Variants in MYO18A observed in about 807,000 individuals in gnomAD.
MYO18A encodes the protein myosin XVIIIA.
Under a neutral mutation model 235.8 loss-of-function variants are expected in MYO18A, and 78 were observed. That is an observed-to-expected ratio of 0.33 (90% CI 0.28 to 0.40). MYO18A has a LOEUF of 0.40. Ranked by LOEUF, MYO18A falls within the 10% of genes least tolerant of loss-of-function variation. The pLI, the probability that MYO18A is intolerant of heterozygous loss-of-function variation, is 1.00. For missense variants in MYO18A, 2,215 were observed against 2,699.3 expected (o/e 0.82, Z 3.98); for synonymous variants, 977 against 1,077.8 (o/e 0.91, Z 1.83).
rs1169375129 is a variant in MYO18A, at chr17:29,072,686, C to A, written c.*2084G>T. The A allele has an allele frequency of 6.6e-6, 1 of 152,226 alleles. No homozygotes were observed. Among genetic ancestry groups the A allele is most frequent in the African/African-American group, 2.4e-5 (1 of 41,452 alleles). The allele number at this position is 152,226 out of a possible 1,614,324, so 9.4% of individuals were successfully genotyped here. ...TTTCTCCCTTCTTCCCTTTTGGACT[C>A]TTTCTGGATGGCTGACATTATCAGA... On this transcript the variant is annotated 3_prime_UTR_variant, in exon 42 of 42. Transcript: ENST00000527372.
chr17:29,098,315 T>C, intron 24 of MYO18A, 41 bp downstream of exon 24: 2 of 1,612,690 alleles, frequency 1.2e-6, no homozygotes, highest in Non-Finnish European at 1.7e-6. Flanking sequence ...TGGGTCTCCC[T>C]GCAGCCATGC....
At chr17:29,133,656 C>G (rs2067527134) in intron 2 of MYO18A, 3 of 519,004 alleles carry the variant, frequency 5.8e-6, no homozygotes, top group South Asian at 5.3e-5. Flanking sequence ...CCGTCATTCT[C>G]CCTGCCACCC....
chr17:29,153,528 G>C (rs2068000423), intron 2 of MYO18A, among the ~76,000 whole-genome samples: 1 of 152,232 alleles, frequency 6.6e-6, no homozygotes, highest in Non-Finnish European at 1.5e-5. Context: ...CACTCAGCCA[G>C]TAGGCAGCAT....
chr17:29,165,826 A>T, intron 2 of MYO18A, 116 bp downstream of exon 2: 1 of 986,584 alleles, frequency 1.0e-6, no homozygotes, highest in Non-Finnish European at 1.5e-6. Flanking sequence ...GGGCTTCCCC[A>T]CTTACACACT....
intron 41 of MYO18A, chr17:29,076,705 T>C (rs982419849): frequency 2.0e-5 from 3 of 152,200 alleles, no homozygotes; most frequent in Admixed American, 1.3e-4. Context: ...AAATTGGGGT[T>C]ATTTTAGCTT....
rs546032006 is a variant in MYO18A at position 29,073,751 on chromosome 17, G to C, written c.*1019C>G. On this transcript the variant is annotated 3_prime_UTR_variant, in exon 42 of 42. Coordinates refer to ENST00000527372, the MANE Select transcript of MYO18A (RefSeq NM_078471.4). The stretch of plus-strand genomic sequence containing the variant: ...TCTGGGATAAGTGTGTGGGGGCAGG[G>C]AGGTTGGAAGAATGACACGGGCTCA... The C allele has an allele frequency of 1.1e-3, 1,257 of 1,188,332 alleles. 1 individual carries two copies. The highest frequency in any genetic ancestry group is 9.8e-4 in the Non-Finnish European group (821 of 834,140). 73.6% of individuals were successfully genotyped at this position (1,188,332 alleles called of 1,614,324 possible).
chr17:29,124,776 T>C lies in MYO18A; in HGVS notation c.1000-2523A>G, dbSNP rs1362975637. 3 of 1,112,228 alleles carry C rather than the reference T, an allele frequency of 2.7e-6. No individual in the cohort carries two copies. In the East Asian group the frequency reaches 2.0e-4, roughly 72 times the overall value. The allele number at this position is 1,112,228 out of a possible 1,614,324, so 68.9% of individuals were successfully genotyped here. A position where few individuals can be genotyped will look rare whatever the true frequency, so the allele number is the denominator to read the frequency against. On this transcript the variant is annotated intron_variant, in intron 2 of 41. Coordinates refer to ENST00000527372, the MANE Select transcript of MYO18A (RefSeq NM_078471.4). ...GCCCCCTTCAGCAAGTGCTCCTGAG[T>C]CAAGTGGGCCGGCACTCTCTAGTTG...
intron 20 of MYO18A, among the ~76,000 whole-genome samples, chr17:29,104,327 C>T (rs1268112470): frequency 6.6e-6 from 1 of 152,138 alleles, no homozygotes; most frequent in African/African-American, 2.4e-5. Flanking sequence ...GAACACGCAG[C>T]AGGTGTTAAG....
chr17:29,133,405 G>C (rs749112285), intron 2 of MYO18A, among the ~76,000 whole-genome samples: 3 of 152,158 alleles, frequency 2.0e-5, no homozygotes, highest in Non-Finnish European at 2.9e-5. Context: ...TTGGCCCCTT[G>C]TCCTCCTAAC....
chr17:29,131,655 G>A (rs1331483789), intron 2 of MYO18A, among the ~76,000 whole-genome samples: 2 of 152,196 alleles, frequency 1.3e-5, no homozygotes, highest in Non-Finnish European at 2.9e-5. Flanking sequence ...AGTCTGTGGG[G>A]GAAAAAGCCA....
chr17:29,110,716 T>G, intron 17 of MYO18A, 94 bp from the exon 18 acceptor site: 1 of 1,306,730 alleles, frequency 7.7e-7, no homozygotes, highest in Non-Finnish European at 1.0e-6. Flanking sequence ...CACTAAACAG[T>G]CCCATTCAGC....
At chr17:29,098,609 C>G (rs1021537724) in intron 23 of MYO18A, among the ~76,000 whole-genome samples, 164 bp from the exon 24 acceptor site, 1 of 152,190 alleles carries the variant, frequency 6.6e-6, no homozygotes, top group Non-Finnish European at 1.5e-5. Context: ...GGATCCTGTC[C>G]CTAGACGCTT....
chr17:29,106,674 T>C lies in MYO18A; in HGVS notation c.3441+406A>G, dbSNP rs1391752632. 6.6e-6 allele frequency among the ~76,000 whole-genome samples: 1 copy of C among 152,040 alleles called. No homozygotes were observed. The stretch of plus-strand genomic sequence containing the variant: ...CTATGTTCACCTGGCACCACGGAGG[T>C]CTCACCATATCCACCTTCCTTCTAG... On this transcript the variant is annotated intron_variant, in intron 20 of 41. Coordinates refer to ENST00000527372, the MANE Select transcript of MYO18A (RefSeq NM_078471.4). This position sits in a 1 kb window ranked among gnomAD's most constrained non-coding sequence, Gnocchi z 4.6.
At chr17:29,096,643 G>T in intron 28 of MYO18A, 118 bp downstream of exon 28, 1 of 1,284,642 alleles carries the variant, frequency 7.8e-7, no homozygotes, top group Non-Finnish European at 1.0e-6. Context: ...GACCAGGCAA[G>T]CAAGGCCCCT....
chr17:29,120,493 C>T lies in MYO18A; in HGVS notation c.1728+123G>A, dbSNP rs954411915. On this transcript the variant is annotated intron_variant, in intron 7 of 41. Transcript: ENST00000527372. This position sits in a 1 kb window ranked among gnomAD's most constrained non-coding sequence, Gnocchi z 4.2. ...ATAGTGCAGGCCAACCCTGCCCATG[C>T]CTGGGTCAATTTTGTTAGGGTAGAA... is the stretch of plus-strand genomic sequence containing the variant. The T allele has an allele frequency of 1.5e-6, 2 of 1,327,634 alleles. No homozygotes were observed. Among genetic ancestry groups the T allele is most frequent in the Non-Finnish European group, 1.0e-6 (1 of 977,600 alleles). The allele number at this position is 1,327,634 out of a possible 1,614,324, so 82.2% of individuals were successfully genotyped here.
Position 29,074,781 on chromosome 17 carries a change from T to C in MYO18A, c.6154A>G (p.Thr2052Ala). The part of the protein sequence containing the change: ...DSDTEAKLTE[T>A]NA Reference sequence around the variant, plus strand: ...ACCACTCCCCTGGGCTATGCGTTAGTCTCCGTCAGCTTGGCCTCTGTGTCG... The same window carrying C: ...ACCACTCCCCTGGGCTATGCGTTAGCCTCCGTCAGCTTGGCCTCTGTGTCG... Residue 2052 changes from threonine (T) to alanine (A), a missense_variant, in exon 42 of 42, where the codon ACT (threonine) becomes GCT (alanine). Transcript: ENST00000527372. The surrounding 1 kb of genome is among the most constrained non-coding windows in gnomAD (Gnocchi z 4.4). The C allele has an allele frequency of 6.2e-7, 1 of 1,613,884 alleles. No individual in the cohort carries two copies. Among genetic ancestry groups the C allele is most frequent in the African/African-American group, 1.3e-5 (1 of 75,016 alleles).
chr17:29,122,011 A>G, intron 3 of MYO18A, 54 bp from the exon 4 acceptor site: 2 of 1,582,310 alleles, frequency 1.3e-6, no homozygotes, highest in Middle Eastern at 1.7e-4. Context: ...CTGCTACTCC[A>G]CTTGGGAACT....
At chr17:29,097,721 T>G in intron 26 of MYO18A, 67 bp downstream of exon 26, 1 of 1,388,762 alleles carries the variant, frequency 7.2e-7, no homozygotes, top group South Asian at 1.3e-5. Flanking sequence ...GGGGCATGAC[T>G]ACCCAGGGGT....
chr17:29,171,705 G>A (rs1010946694), intron 1 of MYO18A, among the ~76,000 whole-genome samples: 1 of 151,976 alleles, frequency 6.6e-6, no homozygotes, highest in African/African-American at 2.4e-5. Flanking sequence ...GACAAGCCTG[G>A]GCAACATGGC....
Sources: allele counts gnomAD v4.1 joint callset (sites outside exome capture counted in the v4.1 genomes callset), GRCh38; gene constraint gnomAD v4.1.1; non-coding constraint Gnocchi (gnomAD v3.1); transcripts MANE v1.5; gene names NCBI Gene and HGNC (gene_info 2026-07-23, HGNC 2026-07-21).